Variants in CRACDL observed in about 807,000 individuals in gnomAD.
The protein encoded by CRACDL is CRACD-like protein.
Under a neutral mutation model 70.6 loss-of-function variants are expected in CRACDL, and 26 were observed. The observed-to-expected ratio is 0.37, with a 90% CI of 0.27 to 0.51. The LOEUF is 0.51. Ranked by LOEUF, CRACDL falls within the 20% of genes least tolerant of loss-of-function variation. The probability of loss-of-function intolerance (pLI) is 0.94; values close to 1 mark genes in which losing one functional copy is unlikely to be tolerated. For missense variants in CRACDL, 1,283 were observed against 1,376.9 expected (o/e 0.93, Z 1.08); for synonymous variants, 618 against 615.2 (o/e 1.00, Z -0.07).
At chr2:98,805,373 A>T (rs1217692369) in intron 7 of CRACDL, among the ~76,000 whole-genome samples, 3 of 152,180 alleles carry the variant, frequency 2.0e-5, no homozygotes, top group African/African-American at 7.2e-5. Flanking sequence ...GTGCACATAG[A>T]GAAATGAGGC....
intron 7 of CRACDL, among the ~76,000 whole-genome samples, chr2:98,815,625 TAA>T (rs1283020631): frequency 6.6e-6 from 1 of 152,156 alleles, no homozygotes; most frequent in East Asian, 1.9e-4. Flanking sequence ...GGGTAATGTC[TAA>T]AGAGTCAAAA....
chr2:98,848,498 AGCTC>A (rs1326546266), intron 1 of CRACDL, among the ~76,000 whole-genome samples: 8 of 152,194 alleles, frequency 5.3e-5, no homozygotes, highest in Non-Finnish European at 8.8e-5. Flanking sequence ...GCTGCCACTG[AGCTC>A]TAGCTCAGTG....
At chr2:98,888,048 T>C (rs1282152932) in intron 1 of CRACDL, among the ~76,000 whole-genome samples, 1 of 152,172 alleles carries the variant, frequency 6.6e-6, no homozygotes, top group East Asian at 1.9e-4. Context: ...CAGTTTAAGA[T>C]GATTAATTTT....
rs1428358557 is a variant in CRACDL, at chr2:98,822,503, C to T, written c.1770G>A (p.Pro590=). The T allele has an allele frequency of 2.7e-6, 4 of 1,455,776 alleles. No homozygotes were observed. The highest frequency in any genetic ancestry group is 2.6e-5 in the South Asian group (2 of 75,712). 90.2% of individuals were successfully genotyped at this position (1,455,776 alleles called of 1,614,324 possible). ...GCAGGCGGCCGCTGGCCCGTTCCAG[C>T]GGGCGGGAGACGCCCGGACGAGGCC... ...RARPRPGVSR[P]LERASGRLPL... Residue 590 remains proline (P), a synonymous_variant, in exon 7 of 10, where the codon CCG becomes CCA. Transcript: ENST00000397899. This position sits in a 1 kb window ranked among gnomAD's most constrained non-coding sequence, Gnocchi z 4.9.
At chr2:98,828,899 T>G (rs1466568957) in intron 5 of CRACDL, among the ~76,000 whole-genome samples, 1 of 152,232 alleles carries the variant, frequency 6.6e-6, no homozygotes, top group Admixed American at 6.5e-5. Context: ...TCACCTTAGA[T>G]TGGGAAATCG....
intron 1 of CRACDL, among the ~76,000 whole-genome samples, chr2:98,849,042 T>C (rs889328321): frequency 1.3e-4 from 20 of 152,224 alleles, no homozygotes; most frequent in African/African-American, 4.8e-4. Flanking sequence ...GGTTCCCACC[T>C]CTTGCAGGTG....
rs1709196829 is a variant in CRACDL at position 98,935,959 on chromosome 2, G to A, written c.-32C>T. ...GTACCTGGGACAGGAGCGTGGCCCG[G>A]GCTCGGCGAGACGCGCAGAGAAGGG... is the stretch of plus-strand genomic sequence containing the variant. On this transcript the variant is annotated 5_prime_UTR_variant, in exon 1 of 10. Transcript: ENST00000397899. 6.6e-6 allele frequency: 1 copy of A among 152,168 alleles called. No homozygotes were observed. The highest frequency in any genetic ancestry group is 1.5e-5 in the Non-Finnish European group (1 of 68,036). 9.4% of individuals were successfully genotyped at this position (152,168 alleles called of 1,614,324 possible). A position where few individuals can be genotyped will look rare whatever the true frequency, so the allele number is the denominator to read the frequency against.
At chr2:98,824,254 G>T (rs1705214400) in intron 6 of CRACDL, among the ~76,000 whole-genome samples, 2 of 151,976 alleles carry the variant, frequency 1.3e-5, no homozygotes, top group Admixed American at 6.6e-5. Context: ...CAGACACTTG[G>T]TCTGAGTGAC....
chr2:98,818,543 A>T (rs953185027), intron 7 of CRACDL, among the ~76,000 whole-genome samples: 1 of 152,150 alleles, frequency 6.6e-6, no homozygotes, highest in Non-Finnish European at 1.5e-5. Flanking sequence ...ACTATCTGGG[A>T]GCTCTGGGCA....
chr2:98,865,903 T>C (rs527667789), intron 1 of CRACDL, among the ~76,000 whole-genome samples: 7 of 150,840 alleles, frequency 4.6e-5, no homozygotes, highest in Admixed American at 6.6e-5. Context: ...TGGGTTCAAG[T>C]GATTCTCCTG....
chr2:98,862,119 G>A (rs766338053), intron 1 of CRACDL, among the ~76,000 whole-genome samples: 9 of 152,034 alleles, frequency 5.9e-5, no homozygotes, highest in Non-Finnish European at 1.0e-4. Flanking sequence ...CAAAGACTAG[G>A]TCACTCAAAA....
chr2:98,853,415 A>T (rs970893935), intron 1 of CRACDL, among the ~76,000 whole-genome samples: 2 of 152,228 alleles, frequency 1.3e-5, no homozygotes, highest in Non-Finnish European at 1.5e-5. Flanking sequence ...GGCAAAATAT[A>T]GACATTTTTA....
intron 1 of CRACDL, among the ~76,000 whole-genome samples, chr2:98,889,339 GA>G (rs758406578): frequency 0.011 from 1,533 of 137,670 alleles, 15 homozygotes; most frequent in Middle Eastern, 0.034. Context: ...AAGAAAGAAA[GA>G]AAGGAAACAG....
chr2:98,819,815 C>CTTTTTTTT (rs34640405), intron 7 of CRACDL, among the ~76,000 whole-genome samples: 25 of 99,026 alleles, frequency 2.5e-4, no homozygotes, highest in Non-Finnish European at 3.5e-4. Flanking sequence ...CTGAAACATT[C>CTTTTTTTT]TTTTTTTTTT....
intron 1 of CRACDL, among the ~76,000 whole-genome samples, chr2:98,928,788 T>C (rs529471382): frequency 4.6e-5 from 7 of 152,120 alleles, no homozygotes; most frequent in African/African-American, 1.4e-4. Flanking sequence ...TATTTGTCTA[T>C]AAAAATGCCA....
At chr2:98,821,604 G>A (rs1342418316) in intron 7 of CRACDL, among the ~76,000 whole-genome samples, 1 of 152,140 alleles carries the variant, frequency 6.6e-6, no homozygotes, top group Non-Finnish European at 1.5e-5. Flanking sequence ...AAAAAAATTC[G>A]CAAAAAGTCT....
intron 7 of CRACDL, among the ~76,000 whole-genome samples, chr2:98,800,214 T>C (rs920855214): frequency 6.6e-6 from 1 of 152,128 alleles, no homozygotes; most frequent in African/African-American, 2.4e-5. Flanking sequence ...CAAGTAACTG[T>C]GGTAGAAACT....
At chr2:98,849,854 T>A (rs1706410418) in intron 1 of CRACDL, among the ~76,000 whole-genome samples, 1 of 152,162 alleles carries the variant, frequency 6.6e-6, no homozygotes, top group Non-Finnish European at 1.5e-5. Flanking sequence ...AACTTGAATG[T>A]TAGGCAGTCC....
In CRACDL at chr2:98,832,374, C is replaced by T. The variant is rs760309680; in HGVS notation, c.514G>A (p.Asp172Asn). 7.4e-6 allele frequency: 12 copies of T among 1,614,074 alleles called. No homozygotes were observed. The highest frequency in any genetic ancestry group is 2.2e-5 in the South Asian group (2 of 91,088). Residue 172 changes from aspartate (D) to asparagine (N), a missense_variant, in exon 5 of 10, where the codon GAC becomes AAC. Physicochemically the swap from Asp to Asn is conservative, Grantham distance 23. Transcript: ENST00000397899. ...RSPPEMSLLH[D>N]VGPGTTIKVS... is the part of the protein sequence containing the mutation. ...TTTATGGTGGTACCAGGACCCACGTCGTGCAGCAGAGACATCTCTGGGGGG... is the reference window on the plus strand; with the variant it reads ...TTTATGGTGGTACCAGGACCCACGTTGTGCAGCAGAGACATCTCTGGGGGG...
Sources: allele counts gnomAD v4.1 joint callset (sites outside exome capture counted in the v4.1 genomes callset), GRCh38; gene constraint gnomAD v4.1.1; non-coding constraint Gnocchi (gnomAD v3.1); transcripts MANE v1.5; gene names NCBI Gene and HGNC (gene_info 2026-07-23, HGNC 2026-07-21).